Variants in ELP3 observed in about 807,000 individuals in gnomAD.
ELP3 encodes elongator acetyltransferase complex subunit 3, also known as elongator complex protein 3.
A neutral mutation model predicts 74.9 loss-of-function variants in ELP3; 56 were observed. The observed-to-expected ratio is 0.75, with a 90% CI of 0.60 to 0.93. ELP3 has a LOEUF of 0.93. Among genes scored for constraint, ELP3 ranks in the 40% least tolerant of loss-of-function variants. The pLI is 0.00. For missense variants in ELP3, 573 were observed against 686.5 expected, an observed-to-expected ratio of 0.83 and a Z score of 1.85; for synonymous variants, 222 against 239.8, an observed-to-expected ratio of 0.93 and a Z score of 0.68.
intron 9 of ELP3, among the ~76,000 whole-genome samples, chr8:28,134,956 T>G (rs1812925159): frequency 6.6e-6 from 1 of 151,058 alleles, no homozygotes; most frequent in African/African-American, 2.4e-5. Flanking sequence ...TGAGACGGAG[T>G]CTCGCACTGT....
At chr8:28,165,749 A>G (rs897139322) in intron 14 of ELP3, among the ~76,000 whole-genome samples, 5 of 152,218 alleles carry the variant, frequency 3.3e-5, no homozygotes, top group Admixed American at 1.3e-4. Flanking sequence ...AGACAATATT[A>G]TGAACTACAC....
intron 7 of ELP3, among the ~76,000 whole-genome samples, chr8:28,114,344 C>G (rs1048071302): frequency 6.6e-6 from 1 of 152,120 alleles, no homozygotes; most frequent in African/African-American, 2.4e-5. Flanking sequence ...TATAAAGGAA[C>G]ACCTAAGACT....
At chr8:28,145,208 G>A (rs1296873019) in intron 10 of ELP3, among the ~76,000 whole-genome samples, 2 of 152,178 alleles carry the variant, frequency 1.3e-5, no homozygotes, top group Non-Finnish European at 2.9e-5. Flanking sequence ...TTTCTGATTT[G>A]GGAAGAGAGA....
intron 14 of ELP3, among the ~76,000 whole-genome samples, chr8:28,186,912 A>G (rs1034782903): frequency 3.3e-5 from 5 of 152,214 alleles, no homozygotes; most frequent in African/African-American, 1.2e-4. Context: ...TACCTAACCC[A>G]TAGCACTCCC....
Position 28,104,688 on chromosome 8 carries a change from A to C in ELP3, c.259-2025A>C, listed in dbSNP as rs1361922355. ...GTTACGCGTCTTTGGCCCGTGCCTCATAGAAGCAGCACTACGTTCTTCTCG... is the reference window on the plus strand; with the variant it reads ...GTTACGCGTCTTTGGCCCGTGCCTCCTAGAAGCAGCACTACGTTCTTCTCG... On this transcript the variant is annotated intron_variant, in intron 3 of 14. Coordinates refer to ENST00000256398, the MANE Select transcript of ELP3 (RefSeq NM_018091.6). 2.0e-5 allele frequency among the ~76,000 whole-genome samples: 3 copies of C among 152,188 alleles called. No homozygotes were observed. The East Asian group carries it at 5.8e-4, about 29-fold the overall frequency.
At chr8:28,099,993 G>T in intron 3 of ELP3, 27 bp downstream of exon 3, 2 of 1,613,802 alleles carry the variant, frequency 1.2e-6, no homozygotes, top group South Asian at 1.1e-5. Context: ...ATGAGGTATC[G>T]ACACACTGGG....
intron 10 of ELP3, among the ~76,000 whole-genome samples, chr8:28,152,689 C>G (rs1329815817): frequency 6.6e-6 from 1 of 152,128 alleles, no homozygotes; most frequent in Non-Finnish European, 1.5e-5. Context: ...ACCTGTAATC[C>G]CAGCTACTCA....
upstream of ELP3, chr8:28,090,480 TGG>T (rs34110386): frequency 6.8e-3 from 1,366 of 201,524 alleles, 9 homozygotes; most frequent in African/African-American, 0.026. Context: ...GTCTGATGGG[TGG>T]GTGTGTGTGT....
chr8:28,125,373 A>C (rs1247260573), intron 7 of ELP3, among the ~76,000 whole-genome samples: 5 of 152,226 alleles, frequency 3.3e-5, no homozygotes, highest in African/African-American at 1.2e-4. Flanking sequence ...CCATTCAGCA[A>C]CTTGAGCCTT....
In ELP3 at chr8:28,160,306, C is replaced by T. The variant is rs146192185; in HGVS notation, c.1335C>T (p.Asp445=). The part of the protein sequence containing the change: ...TFLSYEDPDQ[D]ILIGLLRLRK... ...TGTCATACGAAGACCCAGATCAAGA[C>T]ATTTTGATTGGCCTCCTACGATTAC... The change falls in exon 13 of 15, where the codon GAC becomes GAT. Residue 445 remains aspartate (D), a synonymous_variant. Coordinates refer to ENST00000256398, the MANE Select transcript of ELP3 (RefSeq NM_018091.6). 9 of 1,614,010 alleles carry T rather than the reference C, an allele frequency of 5.6e-6. No individual in the cohort carries two copies. Among genetic ancestry groups the T allele is most frequent in the Middle Eastern group, 1.6e-4 (1 of 6,084 alleles).
At chr8:28,127,604 G>A (rs1186697261) in intron 7 of ELP3, among the ~76,000 whole-genome samples, 1 of 151,926 alleles carries the variant, frequency 6.6e-6, no homozygotes, top group African/African-American at 2.4e-5. Context: ...GGTGTGTTAC[G>A]TCTCTCCTGT....
intron 7 of ELP3, among the ~76,000 whole-genome samples, chr8:28,120,986 T>A (rs28869580): frequency 0.026 from 3,886 of 152,342 alleles, 192 homozygotes; most frequent in African/African-American, 0.089. Context: ...AACTTTGTAA[T>A]TGTTTTTCAA....
At chr8:28,177,689 T>C (rs1433665197) in intron 14 of ELP3, among the ~76,000 whole-genome samples, 1 of 152,214 alleles carries the variant, frequency 6.6e-6, no homozygotes, top group Non-Finnish European at 1.5e-5. Context: ...TTACTAGCAG[T>C]GAAGGGTGGC....
At chr8:28,106,849 C>A in intron 4 of ELP3, 66 bp downstream of exon 4, 1 of 1,212,950 alleles carries the variant, frequency 8.2e-7, no homozygotes, top group Non-Finnish European at 1.2e-6. Context: ...CCCCTCTAGC[C>A]CTTAGTCAGT....
intron 14 of ELP3, among the ~76,000 whole-genome samples, chr8:28,174,598 G>T (rs1226802591): frequency 6.6e-6 from 1 of 151,986 alleles, no homozygotes; most frequent in African/African-American, 2.4e-5. Flanking sequence ...TTTTACCTGT[G>T]TATCCATTAA....
At chr8:28,170,856 T>C (rs1462380505) in intron 14 of ELP3, among the ~76,000 whole-genome samples, 1 of 152,214 alleles carries the variant, frequency 6.6e-6, no homozygotes, top group Non-Finnish European at 1.5e-5. Flanking sequence ...CTAAACAAAC[T>C]GTGAACCCAT....
chr8:28,108,592 G>A (rs1025757816), intron 5 of ELP3, among the ~76,000 whole-genome samples: 2 of 151,844 alleles, frequency 1.3e-5, no homozygotes, highest in African/African-American at 4.8e-5. Flanking sequence ...GAGTAGCTGG[G>A]ACTACAGGCA....
intron 14 of ELP3, among the ~76,000 whole-genome samples, chr8:28,169,058 T>C (rs1327795568): frequency 6.6e-6 from 1 of 152,224 alleles, no homozygotes; most frequent in Non-Finnish European, 1.5e-5. Flanking sequence ...CTCACATTTC[T>C]AAGACAGTGC....
At chr8:28,107,297 T>TATACA (rs1482237218) in intron 4 of ELP3, among the ~76,000 whole-genome samples, 3 of 152,132 alleles carry the variant, frequency 2.0e-5, no homozygotes, top group Admixed American at 1.3e-4. Flanking sequence ...TTTATTGCAA[T>TATACA]ATACAATTCT....
Sources: allele counts gnomAD v4.1 joint callset (sites outside exome capture counted in the v4.1 genomes callset), GRCh38; gene constraint gnomAD v4.1.1; transcripts MANE v1.5; gene names NCBI Gene and HGNC (gene_info 2026-07-23, HGNC 2026-07-21).